Variants in MAT2B observed in about 807,000 individuals in gnomAD.
MAT2B encodes the protein methionine adenosyltransferase 2 non-catalytic beta subunit.
In MAT2B, 16 loss-of-function variants were observed where a neutral mutation model predicts 36.1. The ratio of observed to expected loss-of-function variants is 0.44; its 90% CI spans 0.30 to 0.67. MAT2B has a LOEUF of 0.67. Among genes scored for constraint, MAT2B ranks in the 30% least tolerant of loss-of-function variants. MAT2B has a pLI of 0.09. For missense variants in MAT2B, 332 were observed against 398.2 expected (o/e 0.83, Z 1.42); for synonymous variants, 148 against 136.9 (o/e 1.08, Z -0.57).
In MAT2B at chr5:163,512,009, T is replaced by G; in HGVS notation, c.71T>G (p.Val24Gly). 1 of 1,611,528 alleles carries G rather than the reference T, an allele frequency of 6.2e-7. No homozygotes were observed. Among genetic ancestry groups the G allele is most frequent in the Non-Finnish European group, 8.5e-7 (1 of 1,178,536 alleles). The stretch of plus-strand genomic sequence containing the variant: ...TCCGCCTTCACCTTTTAGGAGGAAG[T>G]TAACATCCCTAATAGGAGGGTTCTG... ...PGSCRLVEEE[V>G]NIPNRRVLVT... The change falls in exon 2 of 7, where the codon GTT becomes GGT. Residue 24 changes from valine to glycine, a missense_variant. Coordinates refer to ENST00000321757, the MANE Select transcript of MAT2B (RefSeq NM_013283.5).
intron 4 of MAT2B, among the ~76,000 whole-genome samples, chr5:163,514,948 T>C (rs952966381): frequency 2.0e-5 from 3 of 152,180 alleles, no homozygotes; most frequent in Non-Finnish European, 4.4e-5. Context: ...TTCTAGAGGC[T>C]GAGAAGTCCA....
At chr5:163,503,948 C>A (rs577607152), upstream of MAT2B, among the ~76,000 whole-genome samples, 8 of 152,106 alleles carry the variant, frequency 5.3e-5, no homozygotes, top group Non-Finnish European at 1.2e-4. Flanking sequence ...AGAACTGTAC[C>A]CAACTTTTAC....
Position 163,505,668 on chromosome 5 carries a change from C to G in MAT2B, c.-19C>G. On this transcript the variant is annotated 5_prime_UTR_variant, in exon 1 of 7. Coordinates refer to ENST00000321757, the MANE Select transcript of MAT2B (RefSeq NM_013283.5). ...GAGGAGGTGGCGGCCGCTGAGGCTG[C>G]GGCGTGAAGACGGCGGGCATGGTGG... is the stretch of plus-strand genomic sequence containing the variant. The G allele has an allele frequency of 7.8e-7, 1 of 1,277,116 alleles. No homozygotes were observed. Among genetic ancestry groups the G allele is most frequent in the Non-Finnish European group, 1.0e-6 (1 of 1,004,534 alleles). The allele number at this position is 1,277,116 out of a possible 1,614,324, so 79.1% of individuals were successfully genotyped here.
At position 163,518,145 on chromosome 5, in the gene MAT2B, T is replaced by C. The variant is rs778124001; in HGVS notation, c.835-48T>C. ...CAGGGGGAACAAAGCCCTCAAAATA[T>C]AGCCTTTCACTTACTTTTGATTTTT... On this transcript the variant is annotated intron_variant, in intron 6 of 6. Coordinates refer to ENST00000321757, the MANE Select transcript of MAT2B (RefSeq NM_013283.5). The C allele has an allele frequency of 2.3e-5, 32 of 1,396,028 alleles. No individual in the cohort carries two copies. In the East Asian group the frequency reaches 2.4e-4, roughly 10 times the overall value. 86.5% of individuals were successfully genotyped at this position (1,396,028 alleles called of 1,614,324 possible).
At chr5:163,509,602 C>G (rs777519196) in intron 1 of MAT2B, among the ~76,000 whole-genome samples, 8 of 152,078 alleles carry the variant, frequency 5.3e-5, no homozygotes, top group African/African-American at 9.7e-5. Context: ...CCTTTGCTTC[C>G]GTAGAGTGAA....
chr5:163,506,282 A>G (rs1759935790), intron 1 of MAT2B, among the ~76,000 whole-genome samples: 1 of 152,156 alleles, frequency 6.6e-6, no homozygotes, highest in South Asian at 2.1e-4. Context: ...AGACGAGAAA[A>G]CGGGCATAGA....
At chr5:163,514,612 G>GT (rs11381240) in intron 4 of MAT2B, among the ~76,000 whole-genome samples, 71,671 of 151,608 alleles carry the variant, frequency 0.47, 18,321 homozygotes, top group African/African-American at 0.67. Context: ...TTCACAACCT[G>GT]TTTTTTTTCC....
chr5:163,505,665 C>G lies in MAT2B; in HGVS notation c.-22C>G, dbSNP rs764787880. On this transcript the variant is annotated 5_prime_UTR_variant, in exon 1 of 7. Transcript: ENST00000321757. ...TTGGAGGAGGTGGCGGCCGCTGAGG[C>G]TGCGGCGTGAAGACGGCGGGCATGG... 24 of 1,275,618 alleles carry G rather than the reference C, an allele frequency of 1.9e-5. No individual in the cohort carries two copies. The Admixed American group carries it at 4.6e-4, about 24-fold the overall frequency. 79.0% of individuals were successfully genotyped at this position (1,275,618 alleles called of 1,614,324 possible).
At chr5:163,516,497 T>C (rs750226361) in intron 4 of MAT2B, 21 bp from the exon 5 acceptor site, 2 of 1,600,372 alleles carry the variant, frequency 1.2e-6, no homozygotes, top group Non-Finnish European at 1.7e-6. Context: ...CTTTAAATTA[T>C]TTGCTTTTAT....
intron 4 of MAT2B, among the ~76,000 whole-genome samples, chr5:163,515,730 A>G (rs1391320134): frequency 1.3e-5 from 2 of 151,436 alleles, no homozygotes; most frequent in African/African-American, 4.8e-5. Context: ...AACTAGTCCA[A>G]ATGACAGAAG....
chr5:163,516,457 A>G (rs1760134393), intron 4 of MAT2B, 61 bp from the exon 5 acceptor site: 2 of 1,371,626 alleles, frequency 1.5e-6, no homozygotes, highest in South Asian at 1.2e-5. Context: ...ACACCCTTGT[A>G]TCTTACATCA....
At chr5:163,513,510 T>C in intron 2 of MAT2B, 45 bp from the exon 3 acceptor site, 1 of 1,147,330 alleles carries the variant, frequency 8.7e-7, no homozygotes, top group Non-Finnish European at 1.3e-6. Context: ...TAATACCTCT[T>C]TCATTTTATT....
rs80015091 is a variant in MAT2B at position 163,511,953 on chromosome 5, G to T, written c.64-49G>T. 7.7e-4 allele frequency: 1,063 copies of T among 1,379,342 alleles called. 4 individuals carry two copies. In the African/African-American group the frequency reaches 0.014, roughly 18 times the overall value. 85.4% of individuals were successfully genotyped at this position (1,379,342 alleles called of 1,614,324 possible). ...ACGATGGTGCCTAATATATTTGAGA[G>T]AACTGTTTTCAAAGTTAGTAACTCT... On this transcript the variant is annotated intron_variant, in intron 1 of 6. Coordinates refer to ENST00000321757, the MANE Select transcript of MAT2B (RefSeq NM_013283.5).
At chr5:163,506,254 GTTA>G (rs1470065788) in intron 1 of MAT2B, among the ~76,000 whole-genome samples, 1 of 152,136 alleles carries the variant, frequency 6.6e-6, no homozygotes, top group Non-Finnish European at 1.5e-5. Context: ...TGAGATACTT[GTTA>G]TTGCCTCATT....
At position 163,512,286 on chromosome 5, in the gene MAT2B, C is replaced by T. The variant is rs1036327804; in HGVS notation, c.258+90C>T. ...ACTATCCTTGCTCTCAAGGAAATTA[C>T]TATGTTTGAAAGCTCTAAAGTTGTA... On this transcript the variant is annotated intron_variant, in intron 2 of 6. Transcript: ENST00000321757. 9 of 1,165,092 alleles carry T rather than the reference C, an allele frequency of 7.7e-6. No homozygotes were observed. In the Admixed American group the frequency reaches 1.5e-4, roughly 20 times the overall value. The allele number at this position is 1,165,092 out of a possible 1,614,324, so 72.2% of individuals were successfully genotyped here. A position where few individuals can be genotyped will look rare whatever the true frequency, so the allele number is the denominator to read the frequency against.
chr5:163,516,948 G>T (rs1042765750), intron 5 of MAT2B: 3 of 585,442 alleles, frequency 5.1e-6, no homozygotes, highest in Non-Finnish European at 9.1e-6. Flanking sequence ...TTCTTTTATT[G>T]CAAAGTGTTA....
chr5:163,518,310 T>C lies in MAT2B; in HGVS notation c.952T>C (p.Ser318Pro). The C allele has an allele frequency of 6.2e-7, 1 of 1,613,838 alleles. No individual in the cohort carries two copies. Among genetic ancestry groups the C allele is most frequent in the African/African-American group, 1.3e-5 (1 of 74,978 alleles). The stretch of plus-strand genomic sequence containing the variant: ...ACCATTTCGAATTGGAATCAAAGAA[T>C]CACTTTGGCCTTTCCTCATTGACAA... The part of the protein sequence containing the change: ...RTPFRIGIKE[S>P]LWPFLIDKRW... Residue 318 changes from serine to proline, a missense_variant, in exon 7 of 7, where the codon TCA becomes CCA. Transcript: ENST00000321757.
At chr5:163,507,899 G>A (rs563313743) in intron 1 of MAT2B, among the ~76,000 whole-genome samples, 6 of 152,194 alleles carry the variant, frequency 3.9e-5, no homozygotes, top group Non-Finnish European at 8.8e-5. Context: ...CCTCGTGGTA[G>A]GGATAATATG....
At chr5:163,516,948 G>A in intron 5 of MAT2B, 1 of 585,560 alleles carries the variant, frequency 1.7e-6, no homozygotes, top group East Asian at 2.8e-5. Flanking sequence ...TTCTTTTATT[G>A]CAAAGTGTTA....
Sources: gnomAD v4.1 joint callset for allele counts (sites outside exome capture counted in the v4.1 genomes callset) on GRCh38, gnomAD v4.1.1 for gene constraint, MANE v1.5 for transcripts, NCBI Gene and HGNC (gene_info 2026-07-23, HGNC 2026-07-21) for gene names.